DGKB: variants seen among roughly 807,000 people sequenced by gnomAD.
DGKB encodes the protein 90 kDa diacylglycerol kinase.
Under a neutral mutation model 114.3 loss-of-function variants are expected in DGKB, and 67 were observed. That is an observed-to-expected ratio of 0.59 (90% CI 0.48 to 0.72). DGKB has a LOEUF of 0.72. Among genes scored for constraint, DGKB ranks in the 30% least tolerant of loss-of-function variants. The pLI is 0.00. For missense variants in DGKB, 907 were observed against 975.2 expected (o/e 0.93, Z 0.93); for synonymous variants, 398 against 323.1 (o/e 1.23, Z -2.49).
In DGKB at chr7:14,730,088, G is replaced by C. The variant is rs73682515; in HGVS notation, c.322+5953C>G. ...GATGCAACATTTTGGACATTGTGTA[G>C]TCCAACAGAAACAAACAGTATGAGT... On this transcript the variant is annotated intron_variant, in intron 5 of 25. Coordinates refer to ENST00000402815, the MANE Select transcript of DGKB (RefSeq NM_001350709.2). Among the ~76,000 whole-genome samples, 1,102 of 152,232 alleles carry C rather than the reference G, an allele frequency of 7.2e-3. 18 individuals carry two copies. Among genetic ancestry groups the C allele is most frequent in the African/African-American group, 0.026 (1,072 of 41,536 alleles).
At chr7:14,545,238 C>CG (rs1010793494) in intron 20 of DGKB, among the ~76,000 whole-genome samples, 3 of 151,732 alleles carry the variant, frequency 2.0e-5, no homozygotes, top group Non-Finnish European at 2.9e-5. Flanking sequence ...AAAGACAACT[C>CG]GGGGGAAAAA....
chr7:14,534,175 G>A (rs564113797), intron 20 of DGKB, among the ~76,000 whole-genome samples: 2 of 151,924 alleles, frequency 1.3e-5, no homozygotes, highest in Non-Finnish European at 2.9e-5. Context: ...ACACGTGGAG[G>A]AGAATAAAAG....
chr7:14,507,931 CA>C (rs560833369), intron 20 of DGKB, among the ~76,000 whole-genome samples: 21 of 152,238 alleles, frequency 1.4e-4, no homozygotes, highest in Admixed American at 4.6e-4. Context: ...GATTTGTCAA[CA>C]ATAATCTAGC....
intron 21 of DGKB, among the ~76,000 whole-genome samples, chr7:14,440,203 G>A (rs1829886278): frequency 6.6e-6 from 1 of 152,062 alleles, no homozygotes; most frequent in African/African-American, 2.4e-5. Flanking sequence ...ATCACTAACA[G>A]GCTTCAGATT....
chr7:14,424,563 A>G (rs1479744079), intron 21 of DGKB, among the ~76,000 whole-genome samples: 1 of 152,038 alleles, frequency 6.6e-6, no homozygotes, highest in African/African-American at 2.4e-5. Context: ...TATATCTGCT[A>G]TTTCATAATC....
chr7:14,766,792 A>G (rs1488522879), intron 2 of DGKB, among the ~76,000 whole-genome samples: 1 of 151,866 alleles, frequency 6.6e-6, no homozygotes, highest in Non-Finnish European at 1.5e-5. Flanking sequence ...AAGAGATGCA[A>G]TCTGCTAGGA....
At chr7:14,859,518 A>G (rs1156360056) in intron 1 of DGKB, among the ~76,000 whole-genome samples, 2 of 152,158 alleles carry the variant, frequency 1.3e-5, no homozygotes, top group South Asian at 2.1e-4. Flanking sequence ...AATGTGCAAG[A>G]GTGACAGAGG....
intron 12 of DGKB, among the ~76,000 whole-genome samples, chr7:14,680,760 T>C (rs898061027): frequency 6.6e-6 from 1 of 151,732 alleles, no homozygotes; most frequent in Non-Finnish European, 1.5e-5. Context: ...AGAGAAAGAA[T>C]GAGAGGATTC....
At chr7:14,813,527 C>A (rs1427100373) in intron 2 of DGKB, among the ~76,000 whole-genome samples, 1 of 152,096 alleles carries the variant, frequency 6.6e-6, no homozygotes, top group African/African-American at 2.4e-5. Context: ...ACATTTCTCT[C>A]CTCTTTCTTA....
At chr7:14,370,587 T>C (rs2128651514) in intron 21 of DGKB, among the ~76,000 whole-genome samples, 1 of 152,236 alleles carries the variant, frequency 6.6e-6, no homozygotes, top group Admixed American at 6.5e-5. Context: ...TGTTTGTGTC[T>C]TCTCTTATTT....
intron 1 of DGKB, among the ~76,000 whole-genome samples, chr7:14,919,932 A>G (rs1460983275): frequency 6.6e-6 from 1 of 152,158 alleles, no homozygotes; most frequent in African/African-American, 2.4e-5. Flanking sequence ...CCAGAAGTAG[A>G]TGCCAGCACT....
chr7:14,943,513 G>T (rs535056420), intron 1 of DGKB, among the ~76,000 whole-genome samples: 1 of 151,616 alleles, frequency 6.6e-6, no homozygotes, highest in African/African-American at 2.4e-5. Context: ...TATTTTTATT[G>T]TTCTAGAATA....
chr7:14,220,945 T>A (rs548969398), intron 23 of DGKB, among the ~76,000 whole-genome samples: 18 of 150,690 alleles, frequency 1.2e-4, no homozygotes, highest in African/African-American at 3.4e-4. Context: ...TATAATAAAA[T>A]TTTTTTTTAA....
intron 8 of DGKB, among the ~76,000 whole-genome samples, chr7:14,695,366 C>T (rs1475960643): frequency 1.3e-5 from 2 of 151,746 alleles, no homozygotes; most frequent in Non-Finnish European, 2.9e-5. Flanking sequence ...TCCCATGGGC[C>T]TCATAAAAAA....
intron 9 of DGKB, among the ~76,000 whole-genome samples, chr7:14,693,795 C>T (rs553732815): frequency 1.3e-5 from 2 of 151,966 alleles, no homozygotes; most frequent in Non-Finnish European, 2.9e-5. Flanking sequence ...AGGTCAGTAA[C>T]TTAAAAACAC....
At position 14,930,156 on chromosome 7, in the gene DGKB, T is replaced by A. The variant is rs10248253; in HGVS notation, c.-188+44540A>T. On this transcript the variant is annotated intron_variant, in intron 1 of 4. Coordinates refer to the DGKB transcript ENST00000437998. ...TAGCATAATTTGAGGTCAGGTCATG[T>A]GATTCCTCCAGCTTTGTTCTTTTTG... Among the ~76,000 whole-genome samples the A allele has an allele frequency of 2.1e-3, 324 of 152,304 alleles. 3 individuals are homozygous for A. Among genetic ancestry groups the A allele is most frequent in the African/African-American group, 7.4e-3 (308 of 41,568 alleles).
At chr7:14,713,159 A>T (rs1827639392) in intron 6 of DGKB, among the ~76,000 whole-genome samples, 1 of 152,144 alleles carries the variant, frequency 6.6e-6, no homozygotes, top group African/African-American at 2.4e-5. Context: ...ATATTATGCA[A>T]GATAATTTTT....
At chr7:14,492,403 T>C (rs1342446814) in intron 20 of DGKB, among the ~76,000 whole-genome samples, 1 of 151,954 alleles carries the variant, frequency 6.6e-6, no homozygotes, top group Non-Finnish European at 1.5e-5. Flanking sequence ...AAAGAACATA[T>C]ATAAGATATT....
At chr7:14,806,119 C>T (rs1260074197) in intron 2 of DGKB, among the ~76,000 whole-genome samples, 11 of 151,454 alleles carry the variant, frequency 7.3e-5, no homozygotes, top group Non-Finnish European at 1.0e-4. Context: ...CTTTGCTTCC[C>T]GCGTCGTAGG....
Sources: gnomAD v4.1 joint callset for allele counts (sites outside exome capture counted in the v4.1 genomes callset) on GRCh38, gnomAD v4.1.1 for gene constraint, MANE v1.5 for transcripts, NCBI Gene and HGNC (gene_info 2026-07-23, HGNC 2026-07-21) for gene names.